FABP6: variants seen among roughly 807,000 people sequenced by gnomAD.
FABP6 encodes gastrotropin.
Under a neutral mutation model 14.9 loss-of-function variants are expected in FABP6, and 13 were observed. That is an observed-to-expected ratio of 0.87 (90% confidence interval 0.57 to 1.39). The LOEUF is 1.39. FABP6 is among the 40% of genes most tolerant of loss of function. The pLI is 0.00. For synonymous variants in FABP6, 75 were observed against 63.6 expected, an observed-to-expected ratio of 1.18 and a Z score of -0.85; for missense variants, 161 against 167.2, an observed-to-expected ratio of 0.96 and a Z score of 0.20.
upstream of FABP6, among the ~76,000 whole-genome samples, chr5:160,226,514 T>G (rs1760250190): frequency 6.8e-6 from 1 of 147,216 alleles, no homozygotes; most frequent in Non-Finnish European, 1.5e-5. Flanking sequence ...TGAGCCGAGA[T>G]CGCCCCATGA....
intron 1 of FABP6, among the ~76,000 whole-genome samples, chr5:160,188,585 C>T (rs561772187): frequency 6.6e-6 from 1 of 152,210 alleles, no homozygotes; most frequent in South Asian, 2.1e-4. Context: ...TCCGGGGACC[C>T]CGCTAAACGG....
At chr5:160,205,911 T>C (rs1321399000) in intron 2 of FABP6, among the ~76,000 whole-genome samples, 1 of 152,250 alleles carries the variant, frequency 6.6e-6, no homozygotes, top group Admixed American at 6.5e-5. Flanking sequence ...TCTGGAATTC[T>C]AGTCATGAGA....
intron 2 of FABP6, among the ~76,000 whole-genome samples, chr5:160,209,452 G>C (rs1759841059): frequency 6.6e-6 from 1 of 152,176 alleles, no homozygotes; most frequent in South Asian, 2.1e-4. Flanking sequence ...GAGCCTGGGA[G>C]GTTGAGGGTT....
chr5:160,213,949 G>C, intron 3 of FABP6: 1 of 739,064 alleles, frequency 1.4e-6, no homozygotes. Flanking sequence ...TAGAATATTA[G>C]GTTGCACCAT....
intron 3 of FABP6, among the ~76,000 whole-genome samples, chr5:160,215,206 C>T (rs1759985152): frequency 6.6e-6 from 1 of 152,152 alleles, no homozygotes; most frequent in Admixed American, 6.5e-5. Flanking sequence ...CAATGGATTA[C>T]AATATGGCCA....
At chr5:160,204,985 C>T (rs190029636) in intron 2 of FABP6, among the ~76,000 whole-genome samples, 4 of 151,720 alleles carry the variant, frequency 2.6e-5, no homozygotes, top group South Asian at 2.1e-4. Context: ...AGAAAGGGGG[C>T]GTAACAGCTA....
chr5:160,224,139 G>C (rs1343944806), intron 3 of FABP6, among the ~76,000 whole-genome samples: 1 of 152,160 alleles, frequency 6.6e-6, no homozygotes, highest in Non-Finnish European at 1.5e-5. Flanking sequence ...AGGAGGCTGA[G>C]GCAGGAGAAT....
chr5:160,232,293 C>T lies in FABP6; in HGVS notation c.243+20C>T, dbSNP rs772112286. The stretch of plus-strand genomic sequence containing the variant: ...TTCAAGGTGAGAGGCCACTGGCTGT[C>T]CCCCTCCTTCCCCAGGCCTCCATCT... On this transcript the variant is annotated intron_variant, in intron 2 of 3. Coordinates refer to ENST00000402432, the MANE Select transcript of FABP6 (RefSeq NM_001445.3). 159 of 1,566,620 alleles carry T rather than the reference C, an allele frequency of 1.0e-4. No individual in the cohort carries two copies. The highest frequency in any genetic ancestry group is 3.5e-4 in the Middle Eastern group (2 of 5,706).
chr5:160,200,660 C>T (rs1392993007), intron 2 of FABP6, among the ~76,000 whole-genome samples: 4 of 152,122 alleles, frequency 2.6e-5, no homozygotes, highest in East Asian at 1.9e-4. Flanking sequence ...GTGATCCACC[C>T]GCCTTGGCCT....
exon 3 of FABP6, chr5:160,213,804 G>C: frequency 1.2e-6 from 2 of 1,613,816 alleles, no homozygotes; most frequent in Non-Finnish European, 1.7e-6. Context: ...GAATGAAACA[G>C]ACACATAAAG....
chr5:160,214,165 TC>T (rs1759964101), intron 3 of FABP6, among the ~76,000 whole-genome samples: 2 of 149,622 alleles, frequency 1.3e-5, no homozygotes, highest in African/African-American at 4.9e-5. Context: ...CTTTCCTTCT[TC>T]TCTCTTATAA....
At chr5:160,215,191 C>T (rs987085564) in intron 3 of FABP6, among the ~76,000 whole-genome samples, 2 of 152,192 alleles carry the variant, frequency 1.3e-5, no homozygotes, top group Non-Finnish European at 2.9e-5. Context: ...TGTGATATGT[C>T]TGTACAATGG....
At chr5:160,204,984 G>A (rs1435900534) in intron 2 of FABP6, among the ~76,000 whole-genome samples, 3 of 151,820 alleles carry the variant, frequency 2.0e-5, no homozygotes, top group African/African-American at 7.3e-5. Context: ...AAGAAAGGGG[G>A]CGTAACAGCT....
intron 2 of FABP6, among the ~76,000 whole-genome samples, chr5:160,204,463 T>C (rs966663615): frequency 9.2e-5 from 14 of 152,130 alleles, no homozygotes; most frequent in African/African-American, 1.4e-4. Context: ...CAGCTCCCCC[T>C]CATCCCCTGC....
At chr5:160,197,062 C>T (rs1446682171) in intron 1 of FABP6, 1 of 152,276 alleles carries the variant, frequency 6.6e-6, no homozygotes, top group African/African-American at 2.4e-5. Flanking sequence ...TCTGCCTTAC[C>T]TCAACAGGCC....
intron 2 of FABP6, among the ~76,000 whole-genome samples, chr5:160,211,479 G>A (rs889658187): frequency 1.3e-5 from 2 of 152,132 alleles, no homozygotes; most frequent in Admixed American, 1.3e-4. Context: ...TTTATTTTTA[G>A]CTCTATTCTG....
intron 2 of FABP6, among the ~76,000 whole-genome samples, chr5:160,199,370 CT>C (rs1373950153): frequency 2.0e-5 from 3 of 152,226 alleles, no homozygotes; most frequent in African/African-American, 7.2e-5. Context: ...ACTAAGATGG[CT>C]TCCCTCAGAG....
At chr5:160,219,097 C>T (rs940966077) in intron 3 of FABP6, among the ~76,000 whole-genome samples, 3 of 152,096 alleles carry the variant, frequency 2.0e-5, no homozygotes, top group Non-Finnish European at 1.5e-5. Flanking sequence ...ACTAGTATTT[C>T]AGATTTTAGT....
rs1051921582 is a variant in FABP6, at chr5:160,193,527, C to T, written c.-58-5522C>T. 4.0e-4 allele frequency among the ~76,000 whole-genome samples: 61 copies of T among 152,096 alleles called. 2 individuals carry two copies. Among genetic ancestry groups the T allele is most frequent in the Admixed American group, 3.9e-3 (59 of 15,264 alleles). ...CTGCTGATTGGTAGAGCCGAGTGGC[C>T]TGTTTTGGCAGGGTGCTGATTGGTG... On this transcript the variant is annotated intron_variant, in intron 1 of 6. Transcript: ENST00000393980.
Sources: gnomAD v4.1 joint callset for allele counts (sites outside exome capture counted in the v4.1 genomes callset) on GRCh38, gnomAD v4.1.1 for gene constraint, MANE v1.5 for transcripts, NCBI Gene and HGNC (gene_info 2026-07-23, HGNC 2026-07-21) for gene names.